PER3: variants seen among roughly 807,000 people sequenced by gnomAD.
PER3 encodes the protein period circadian protein homolog 3.
A neutral mutation model predicts 127.2 loss-of-function variants in PER3; 107 were observed. That is an observed-to-expected ratio of 0.84 (90% CI 0.72 to 0.99). The LOEUF (loss-of-function observed/expected upper bound fraction) is 0.99, where lower values mean the gene tolerates loss of function less well. Among genes scored for constraint, PER3 ranks in the 50% least tolerant of loss-of-function variants. The probability of loss-of-function intolerance (pLI) is 0.00; values close to 1 mark genes in which losing one functional copy is unlikely to be tolerated. For synonymous variants in PER3, 618 were observed against 585.8 expected (o/e 1.05, Z -0.79); for missense variants, 1,560 against 1,525.8 (o/e 1.02, Z -0.37).
intron 21 of PER3, among the ~76,000 whole-genome samples, chr1:7,838,678 G>A (rs228653): frequency 0.28 from 42,669 of 152,070 alleles, 6,926 homozygotes; most frequent in Admixed American, 0.45. Flanking sequence ...GGGATTACAG[G>A]CAAGAGCCAT....
At chr1:7,804,938 G>A (rs906144167) in intron 10 of PER3, among the ~76,000 whole-genome samples, 3 of 150,866 alleles carry the variant, frequency 2.0e-5, no homozygotes, top group Admixed American at 1.3e-4. Context: ...GCCTGATCGC[G>A]GCTCACTGCA....
chr1:7,796,928 T>C (rs942222704), intron 6 of PER3, among the ~76,000 whole-genome samples: 10 of 152,280 alleles, frequency 6.6e-5, no homozygotes, highest in Admixed American at 3.3e-4. Context: ...GCTGGAGTTA[T>C]CATTTTTTGA....
chr1:7,842,368 T>G (rs2097394914), intron 21 of PER3, among the ~76,000 whole-genome samples: 1 of 151,840 alleles, frequency 6.6e-6, no homozygotes, highest in Non-Finnish European at 1.5e-5. Flanking sequence ...GGCGCGGTGG[T>G]GGGCACCTGT....
At chr1:7,787,884 A>G in intron 4 of PER3, 161 bp from the exon 5 acceptor site, 1 of 619,702 alleles carries the variant, frequency 1.6e-6, no homozygotes, top group Non-Finnish European at 2.9e-6. Flanking sequence ...TTTAAGAAGC[A>G]TGTTGGAGAA....
Position 7,827,471 on chromosome 1 carries a change from C to T in PER3, c.2542C>T (p.Pro848Ser), listed in dbSNP as rs1442408626. 1 of 1,614,258 alleles carries T rather than the reference C, an allele frequency of 6.2e-7. No homozygotes were observed. The highest frequency in any genetic ancestry group is 8.5e-7 in the Non-Finnish European group (1 of 1,180,040). Residue 848 changes from proline (P) to serine (S), a missense_variant, in exon 18 of 22, where the codon CCT becomes TCT. Pro to Ser is a moderately conservative substitution (Grantham distance 74). This residue lies in a region of PER3 where 1,332 missense variants were observed against 1,223.6 expected (regional missense o/e 1.09). Coordinates refer to ENST00000377532, the MANE Select transcript of PER3 (RefSeq NM_001377275.1). ...GGGCTTGCAGCCTTACCCAGCTTTC[C>T]CTTTTCCTTACTTGGATACTTTTAT... ...SEGLQPYPAFPFPYLDTFMTV... is the reference protein window; with the variant it reads ...SEGLQPYPAFSFPYLDTFMTV...
chr1:7,839,006 GA>G (rs137928039), intron 21 of PER3, among the ~76,000 whole-genome samples: 30,111 of 152,104 alleles, frequency 0.2, 3,158 homozygotes, highest in South Asian at 0.27. Flanking sequence ...GTGCCATAAA[GA>G]TTTTTTTTTC....
intron 16 of PER3, among the ~76,000 whole-genome samples, chr1:7,822,872 A>G (rs1320596059): frequency 6.6e-6 from 1 of 152,154 alleles, no homozygotes; most frequent in African/African-American, 2.4e-5. Context: ...CAGCCTGGGC[A>G]ATACAGTGAA....
At chr1:7,813,810 G>A (rs1374835912) in intron 13 of PER3, among the ~76,000 whole-genome samples, 1 of 152,126 alleles carries the variant, frequency 6.6e-6, no homozygotes, top group Non-Finnish European at 1.5e-5. Flanking sequence ...CATATGATGG[G>A]CAAGAAGGGA....
At chr1:7,810,374 T>C (rs1305833740) in intron 12 of PER3, 64 bp from the exon 13 acceptor site, 6 of 1,166,642 alleles carry the variant, frequency 5.1e-6, no homozygotes, top group East Asian at 2.3e-5. Context: ...GTATTTTGTT[T>C]ATGTATCTTT....
Position 7,826,586 on chromosome 1 carries a change from A to G in PER3, c.2064A>G (p.Ser688=). The G allele has an allele frequency of 6.2e-7, 1 of 1,612,680 alleles. No individual in the cohort carries two copies. Among genetic ancestry groups the G allele is most frequent in the Non-Finnish European group, 8.5e-7 (1 of 1,178,622 alleles). Residue 688 remains serine, a synonymous_variant, in exon 17 of 22, where the codon TCA becomes TCG. Coordinates refer to ENST00000377532, the MANE Select transcript of PER3 (RefSeq NM_001377275.1). The surrounding 1 kb of genome is among the most constrained non-coding windows in gnomAD (Gnocchi z 4.2). Reference sequence around the variant, plus strand: ...TGGGGCTCACAGCGGCTGTTCTGTCAGCGCACACCCAGAAGGAAGAGCAGA... The same window carrying G: ...TGGGGCTCACAGCGGCTGTTCTGTCGGCGCACACCCAGAAGGAAGAGCAGA... ...KHVGLTAAVL[S]AHTQKEEQNY... is the part of the protein sequence containing the mutation.
chr1:7,828,191 G>C (rs2097312206), intron 18 of PER3, among the ~76,000 whole-genome samples: 1 of 152,230 alleles, frequency 6.6e-6, no homozygotes, highest in African/African-American at 2.4e-5. Context: ...GGTCAGGTGA[G>C]ATAGGAATAA....
chr1:7,824,535 T>C (rs981683285), intron 16 of PER3, among the ~76,000 whole-genome samples: 1 of 152,170 alleles, frequency 6.6e-6, no homozygotes, highest in Non-Finnish European at 1.5e-5. Context: ...TATTATGGGG[T>C]TGTATTTTCC....
Position 7,806,810 on chromosome 1 carries a change from A to AT in PER3, c.1137-2083_1137-2082insT, listed in dbSNP as rs60458932. ...CCCTGTCTCTTAAAAAAAAAAAAAA[A>AT]AAATATATATATATATATATATATA... On this transcript the variant is annotated intron_variant, in intron 10 of 21. Transcript: ENST00000377532. 2.6e-3 allele frequency among the ~76,000 whole-genome samples: 199 copies of AT among 75,220 alleles called. 2 individuals are homozygous for AT. Among genetic ancestry groups the AT allele is most frequent in the African/African-American group, 7.5e-3 (146 of 19,358 alleles). The allele number at this position is 75,220 out of a possible 152,430, so 49.3% of individuals were successfully genotyped here.
chr1:7,809,914 A>G lies in PER3; in HGVS notation c.1264A>G (p.Ser422Gly). The G allele has an allele frequency of 6.2e-7, 1 of 1,614,184 alleles. No homozygotes were observed. Among genetic ancestry groups the G allele is most frequent in the Non-Finnish European group, 8.5e-7 (1 of 1,180,018 alleles). The stretch of plus-strand genomic sequence containing the variant: ...CCAGCCAGTTCACGTGAGCGTGTCC[A>G]GCGGCTACGGGAGCCTGGGGAGCAG... ...LLQPVHVSVS[S>G]GYGSLGSSGS... Residue 422 changes from serine (S) to glycine (G), a missense_variant, in exon 12 of 22, where the codon AGC (serine) becomes GGC (glycine). Ser to Gly is a moderately conservative substitution (Grantham distance 56, BLOSUM62 0). This residue lies in a region of PER3 where 1,332 missense variants were observed against 1,223.6 expected (regional missense o/e 1.09). Coordinates refer to ENST00000377532, the MANE Select transcript of PER3 (RefSeq NM_001377275.1).
chr1:7,786,817 A>T lies in PER3; in HGVS notation c.371A>T (p.Glu124Val). The change falls in exon 4 of 22, where the codon GAA (glutamate) becomes GTA (valine). Residue 124 changes from glutamate (E) to valine (V), a missense_variant. By Grantham distance (121) the Glu-to-Val change is moderately radical. This residue lies in a region of PER3 where 1,332 missense variants were observed against 1,223.6 expected (regional missense o/e 1.09). Transcript: ENST00000377532. Reference protein sequence around the residue: ...SLEELATIASEHTSKNTDTFV... With the variant: ...SLEELATIASVHTSKNTDTFV... The stretch of plus-strand genomic sequence containing the variant: ...GAGGAGCTGGCCACTATCGCTTCAG[A>T]ACACACTTCCAAAAACACAGTAAGA... 6.3e-7 allele frequency: 1 copy of T among 1,599,838 alleles called. No homozygotes were observed. Among genetic ancestry groups the T allele is most frequent in the East Asian group, 2.2e-5 (1 of 44,810 alleles).
chr1:7,820,359 A>G (rs2151028204), intron 15 of PER3, 108 bp from the exon 16 acceptor site: 1 of 1,395,082 alleles, frequency 7.2e-7, no homozygotes, highest in Non-Finnish European at 9.8e-7. Flanking sequence ...CCTCTTTATG[A>G]CAGTAAGGTT....
At chr1:7,801,326 A>G (rs1468520398) in intron 8 of PER3, 135 bp downstream of exon 8, 3 of 569,844 alleles carry the variant, frequency 5.3e-6, no homozygotes, top group Non-Finnish European at 9.4e-6. Context: ...TTTTTGTTAC[A>G]TGGAAATGTA....
chr1:7,785,702 T>C, intron 3 of PER3, 116 bp downstream of exon 3: 1 of 795,636 alleles, frequency 1.3e-6, no homozygotes, highest in Non-Finnish European at 2.0e-6. Flanking sequence ...TTTCTGGTGC[T>C]TTGTGGAAGA....
rs756827361 is a variant in PER3, at chr1:7,784,839, C to T, written c.-39C>T. 13 of 1,422,784 alleles carry T rather than the reference C, an allele frequency of 9.1e-6. No individual in the cohort carries two copies. Among genetic ancestry groups the T allele is most frequent in the Non-Finnish European group, 1.2e-5 (13 of 1,096,766 alleles). The allele number at this position is 1,422,784 out of a possible 1,614,324, so 88.1% of individuals were successfully genotyped here. On this transcript the variant is annotated 5_prime_UTR_variant, in exon 2 of 22. Coordinates refer to ENST00000377532, the MANE Select transcript of PER3 (RefSeq NM_001377275.1). Reference sequence around the variant, plus strand: ...AAGTGAGCGAGAAGCAGGCTGCGGGCCGTCCCAGCACGACGTGGAGCCCCG... The same window carrying T: ...AAGTGAGCGAGAAGCAGGCTGCGGGTCGTCCCAGCACGACGTGGAGCCCCG...
Sources: allele counts gnomAD v4.1 joint callset (sites outside exome capture counted in the v4.1 genomes callset), GRCh38; gene constraint gnomAD v4.1.1; regional missense constraint gnomAD v4.1.1; non-coding constraint Gnocchi (gnomAD v3.1); transcripts MANE v1.5; gene names NCBI Gene and HGNC (gene_info 2026-07-23, HGNC 2026-07-21).